RAB6B: variants seen among roughly 807,000 people sequenced by gnomAD.
The protein encoded by RAB6B is ras-related protein Rab-6B.
A neutral mutation model predicts 31.2 loss-of-function variants in RAB6B; 7 were observed. The observed-to-expected ratio is 0.22, with a 90% CI of 0.13 to 0.42. RAB6B has a LOEUF of 0.42. Ranked by LOEUF, RAB6B falls within the 10% of genes least tolerant of loss-of-function variation. RAB6B has a pLI of 1.00. For synonymous variants in RAB6B, 105 were observed against 104.9 expected (o/e 1.00, Z -0.01); for missense variants, 149 against 280.6 (o/e 0.53, Z 3.35).
intron 1 of RAB6B, 58 bp downstream of exon 1, chr3:133,895,339 C>T: frequency 6.4e-7 from 1 of 1,561,644 alleles, no homozygotes; most frequent in Non-Finnish European, 8.8e-7. Flanking sequence ...ATGGGGTGGG[C>T]GATTGGGCGG....
At chr3:133,888,514 T>C (rs2108016186) in intron 1 of RAB6B, among the ~76,000 whole-genome samples, 1 of 152,332 alleles carries the variant, frequency 6.6e-6, no homozygotes, top group Non-Finnish European at 1.5e-5. Flanking sequence ...GTCCCTTAGG[T>C]ATGTCAGCCC....
chr3:133,872,567 C>T (rs1936341605), intron 1 of RAB6B, among the ~76,000 whole-genome samples: 1 of 152,226 alleles, frequency 6.6e-6, no homozygotes. Flanking sequence ...CAGCCCTATT[C>T]TTCCTCAAAG....
chr3:133,827,399 T>C lies in RAB6B; in HGVS notation c.*1389A>G, dbSNP rs1391882593. ...CTCAGGGCAGTGAGTCTGAGTCTAT[T>C]TGGAATGCTGGCCAAGTAGGTTATA... On this transcript the variant is annotated 3_prime_UTR_variant, in exon 8 of 8. Transcript: ENST00000285208. 1 of 154,082 alleles carries C rather than the reference T, an allele frequency of 6.5e-6. No homozygotes were observed. The highest frequency in any genetic ancestry group is 2.4e-5 in the African/African-American group (1 of 41,478). 9.5% of individuals were successfully genotyped at this position (154,082 alleles called of 1,614,324 possible).
intron 2 of RAB6B, among the ~76,000 whole-genome samples, chr3:133,857,557 G>A (rs9870716): frequency 0.53 from 79,845 of 151,904 alleles, 22,035 homozygotes; most frequent in Non-Finnish European, 0.62. Context: ...TGCTGGGGAC[G>A]TGCGGCATTT....
At chr3:133,879,637 C>T (rs1026170569) in intron 1 of RAB6B, among the ~76,000 whole-genome samples, 15 of 152,156 alleles carry the variant, frequency 9.9e-5, no homozygotes, top group African/African-American at 3.1e-4. Context: ...CTATGAGGAC[C>T]GACAGTCAAG....
intron 2 of RAB6B, among the ~76,000 whole-genome samples, chr3:133,863,727 C>A: frequency 6.6e-6 from 1 of 152,188 alleles, no homozygotes; most frequent in Middle Eastern, 3.2e-3. Flanking sequence ...CTACCAACAC[C>A]TCTTGGAATT....
intron 2 of RAB6B, among the ~76,000 whole-genome samples, chr3:133,852,450 G>C (rs1936000568): frequency 6.7e-6 from 1 of 148,954 alleles, no homozygotes; most frequent in Admixed American, 6.8e-5. Flanking sequence ...AGCTGGGGCA[G>C]AGAAACCCTG....
At chr3:133,852,194 T>C (rs1426064041) in intron 2 of RAB6B, among the ~76,000 whole-genome samples, 1 of 152,208 alleles carries the variant, frequency 6.6e-6, no homozygotes, top group Non-Finnish European at 1.5e-5. Context: ...CTACCACTGT[T>C]CTGCTGGGTA....
In RAB6B at chr3:133,826,202, G is replaced by A. The variant is rs1228811217; in HGVS notation, c.*2586C>T. Reference sequence around the variant, plus strand: ...AGCCACCCTCAGCCTCAGAGGCCAAGGGGCTGGGGAGAACCCAAACTCAAA... The same window carrying A: ...AGCCACCCTCAGCCTCAGAGGCCAAAGGGCTGGGGAGAACCCAAACTCAAA... On this transcript the variant is annotated 3_prime_UTR_variant, in exon 8 of 8. Transcript: ENST00000285208. 1 of 152,210 alleles carries A rather than the reference G, an allele frequency of 6.6e-6. No homozygotes were observed. Among genetic ancestry groups the A allele is most frequent in the Non-Finnish European group, 1.5e-5 (1 of 68,074 alleles). 9.4% of individuals were successfully genotyped at this position (152,210 alleles called of 1,614,324 possible).
At chr3:133,842,111 CA>C (rs1217231720) in intron 2 of RAB6B, among the ~76,000 whole-genome samples, 1 of 152,214 alleles carries the variant, frequency 6.6e-6, no homozygotes, top group Non-Finnish European at 1.5e-5. Flanking sequence ...GGGTGGGAGG[CA>C]GGGGGCAGGA....
intron 1 of RAB6B, among the ~76,000 whole-genome samples, chr3:133,871,498 C>T (rs192173542): frequency 3.1e-4 from 47 of 152,348 alleles, no homozygotes; most frequent in Admixed American, 2.3e-3. Context: ...TGCCACGTGA[C>T]GCCAAATCCA....
At chr3:133,884,572 A>G (rs1936512056) in intron 1 of RAB6B, among the ~76,000 whole-genome samples, 2 of 152,222 alleles carry the variant, frequency 1.3e-5, no homozygotes, top group Non-Finnish European at 2.9e-5. Flanking sequence ...AATATCCAAG[A>G]AAGCAAAGGA....
chr3:133,885,803 G>A, intron 1 of RAB6B: 1 of 590,048 alleles, frequency 1.7e-6, no homozygotes. Context: ...CTAAGAGAAA[G>A]AATCAAGAAA....
chr3:133,864,157 C>T (rs1270266956), intron 2 of RAB6B, among the ~76,000 whole-genome samples: 7 of 97,290 alleles, frequency 7.2e-5, no homozygotes, highest in Admixed American at 2.4e-4. Flanking sequence ...TGTTTGTGTG[C>T]GTGTGTGGGG....
chr3:133,854,682 C>T (rs537921773), intron 2 of RAB6B, among the ~76,000 whole-genome samples: 3 of 152,290 alleles, frequency 2.0e-5, no homozygotes, highest in South Asian at 2.1e-4. Context: ...ATAGCTGAAT[C>T]CACATTTATC....
At chr3:133,841,790 G>T in intron 2 of RAB6B, 127 bp from the exon 3 acceptor site, 2 of 841,114 alleles carry the variant, frequency 2.4e-6, no homozygotes, top group Non-Finnish European at 3.8e-6. Flanking sequence ...ATGTGGCCAT[G>T]CTCTGTCCTC....
chr3:133,835,305 G>A (rs1234793760), intron 6 of RAB6B, among the ~76,000 whole-genome samples: 2 of 152,120 alleles, frequency 1.3e-5, no homozygotes, highest in Non-Finnish European at 2.9e-5. Flanking sequence ...TGTGAGTGGT[G>A]CGTGTGGGTA....
intron 6 of RAB6B, among the ~76,000 whole-genome samples, chr3:133,835,064 T>C (rs952728038): frequency 1.3e-5 from 2 of 152,100 alleles, no homozygotes; most frequent in Non-Finnish European, 2.9e-5. Flanking sequence ...TTGAGATGAA[T>C]GACTCTGCTT....
intron 6 of RAB6B, among the ~76,000 whole-genome samples, chr3:133,837,423 A>G (rs1935753002): frequency 6.6e-6 from 1 of 152,194 alleles, no homozygotes; most frequent in Non-Finnish European, 1.5e-5. Flanking sequence ...TACCTGCAAC[A>G]CTATGAGGTG....
Sources: gnomAD v4.1 joint callset for allele counts (sites outside exome capture counted in the v4.1 genomes callset) on GRCh38, gnomAD v4.1.1 for gene constraint, MANE v1.5 for transcripts, NCBI Gene and HGNC (gene_info 2026-07-23, HGNC 2026-07-21) for gene names.